Variants in TECRL observed in about 807,000 individuals in gnomAD.
TECRL encodes the protein trans-2,3-enoyl-CoA reductase-like.
Under a neutral mutation model 52.8 loss-of-function variants are expected in TECRL, and 63 were observed. That is an observed-to-expected ratio of 1.19 (90% CI 0.97 to 1.47). The LOEUF (loss-of-function observed/expected upper bound fraction) is 1.47. TECRL is among the 40% of genes most tolerant of loss of function. The probability of loss-of-function intolerance (pLI) is 0.00; values close to 1 mark genes in which losing one functional copy is unlikely to be tolerated. For synonymous variants in TECRL, 164 were observed against 141.9 expected (o/e 1.16, Z -1.10); for missense variants, 482 against 429.6 (o/e 1.12, Z -1.08).
chr4:64,310,715 A>T (rs1716927144), intron 5 of TECRL, among the ~76,000 whole-genome samples: 1 of 152,078 alleles, frequency 6.6e-6, no homozygotes, highest in African/African-American at 2.4e-5. Flanking sequence ...ATCAAAGATG[A>T]CCTACTTTTT....
At chr4:64,305,605 T>C (rs1193263342) in intron 6 of TECRL, among the ~76,000 whole-genome samples, 2 of 152,102 alleles carry the variant, frequency 1.3e-5, no homozygotes, top group Non-Finnish European at 2.9e-5. Flanking sequence ...CAAAAGGGAC[T>C]TTCCAGCCAC....
At chr4:64,295,310 T>A (rs1306516122) in intron 8 of TECRL, among the ~76,000 whole-genome samples, 1 of 151,172 alleles carries the variant, frequency 6.6e-6, no homozygotes, top group African/African-American at 2.4e-5. Flanking sequence ...TTTTAATATA[T>A]TTTATGAACT....
intron 1 of TECRL, among the ~76,000 whole-genome samples, chr4:64,379,799 A>G (rs1722654251): frequency 6.6e-6 from 1 of 152,116 alleles, no homozygotes; most frequent in African/African-American, 2.4e-5. Context: ...TTCTAGTTCC[A>G]TCTATGTTGC....
At chr4:64,322,185 C>G (rs1717946370) in intron 4 of TECRL, among the ~76,000 whole-genome samples, 1 of 152,056 alleles carries the variant, frequency 6.6e-6, no homozygotes, top group Non-Finnish European at 1.5e-5. Context: ...CACCAGATGC[C>G]TCCTTGTCCC....
At chr4:64,311,514 A>AT (rs1369677943) in intron 5 of TECRL, among the ~76,000 whole-genome samples, 11 of 152,244 alleles carry the variant, frequency 7.2e-5, no homozygotes, top group South Asian at 2.1e-4. Context: ...GAGTAATAAA[A>AT]TTTTTTTGTT....
intron 2 of TECRL, among the ~76,000 whole-genome samples, chr4:64,343,867 C>A (rs1719757116): frequency 6.6e-6 from 1 of 151,700 alleles, no homozygotes; most frequent in Non-Finnish European, 1.5e-5. Flanking sequence ...AAAGTATGAA[C>A]AAAATGTCAT....
chr4:64,310,876 G>A (rs1716945523), intron 5 of TECRL, among the ~76,000 whole-genome samples: 1 of 152,070 alleles, frequency 6.6e-6, no homozygotes, highest in Non-Finnish European at 1.5e-5. Flanking sequence ...ACACCGCCAT[G>A]CCCGGCTAAT....
intron 2 of TECRL, among the ~76,000 whole-genome samples, chr4:64,336,351 T>G (rs1443727737): frequency 6.6e-6 from 1 of 152,226 alleles, no homozygotes; most frequent in African/African-American, 2.4e-5. Context: ...GTGGGATTGG[T>G]GGTGATATCC....
intron 1 of TECRL, among the ~76,000 whole-genome samples, chr4:64,389,101 G>A (rs1243717081): frequency 6.6e-6 from 1 of 151,784 alleles, no homozygotes; most frequent in East Asian, 1.9e-4. Flanking sequence ...TTGCCTATCT[G>A]TAAACTCTTT....
At chr4:64,386,437 G>A (rs1397407140) in intron 1 of TECRL, among the ~76,000 whole-genome samples, 3 of 152,024 alleles carry the variant, frequency 2.0e-5, no homozygotes, top group Non-Finnish European at 4.4e-5. Context: ...TGGTAGAGGT[G>A]GAAGAAAATC....
At chr4:64,315,192 G>A (rs957818391) in intron 4 of TECRL, among the ~76,000 whole-genome samples, 6 of 151,488 alleles carry the variant, frequency 4.0e-5, no homozygotes, top group Admixed American at 3.9e-4. Context: ...TACCCTCCAT[G>A]GGCCTGTCAG....
chr4:64,296,236 G>A (rs1297540880), intron 8 of TECRL, among the ~76,000 whole-genome samples: 4 of 151,662 alleles, frequency 2.6e-5, no homozygotes. Context: ...TTATATAGTA[G>A]GGACTTGCTC....
At chr4:64,346,309 C>T (rs1322955557) in intron 2 of TECRL, among the ~76,000 whole-genome samples, 3 of 152,176 alleles carry the variant, frequency 2.0e-5, no homozygotes, top group African/African-American at 7.2e-5. Flanking sequence ...AGGCAGTGCC[C>T]CAGTGAGTAC....
chr4:64,286,079 C>T (rs1723066655), intron 9 of TECRL, among the ~76,000 whole-genome samples: 1 of 152,148 alleles, frequency 6.6e-6, no homozygotes, highest in African/African-American at 2.4e-5. Flanking sequence ...TTACATGATG[C>T]TTCTGTGTGA....
chr4:64,350,934 C>A (rs985890839), intron 2 of TECRL, among the ~76,000 whole-genome samples: 2 of 149,452 alleles, frequency 1.3e-5, no homozygotes, highest in East Asian at 2.0e-4. Flanking sequence ...AATAGTTAAC[C>A]TTTTAAGCTG....
At chr4:64,386,021 T>A (rs1723156898) in intron 1 of TECRL, among the ~76,000 whole-genome samples, 1 of 152,182 alleles carries the variant, frequency 6.6e-6, no homozygotes, top group South Asian at 2.1e-4. Context: ...TGATCATCTA[T>A]CTGCTTTGTG....
At chr4:64,319,424 T>C (rs1483312156) in intron 4 of TECRL, among the ~76,000 whole-genome samples, 2 of 151,842 alleles carry the variant, frequency 1.3e-5, no homozygotes, top group Non-Finnish European at 3.0e-5. Flanking sequence ...AGTAAAAGCA[T>C]AATCTTTAAA....
intron 8 of TECRL, among the ~76,000 whole-genome samples, chr4:64,295,613 C>T (rs535050586): frequency 1.3e-5 from 2 of 151,754 alleles, no homozygotes; most frequent in South Asian, 2.1e-4. Context: ...TTTACATACA[C>T]TAACTCTGAA....
chr4:64,289,759 T>C lies in TECRL; in HGVS notation c.783A>G (p.Glu261=). Residue 261 remains glutamate, a synonymous_variant, in exon 9 of 12, where the codon GAA becomes GAG. Transcript: ENST00000381210. Reference sequence around the variant, plus strand: ...TTACATTGATGAAATGATTCCCAGCTTCACAAATCTGCAAAACATTTTAAA... The same window carrying C: ...TTACATTGATGAAATGATTCCCAGCCTCACAAATCTGCAAAACATTTTAAA... The part of the protein sequence containing the change: ...TVSAINFLIC[E]AGNHFINVML... The C allele has an allele frequency of 6.5e-7, 1 of 1,548,076 alleles. No homozygotes were observed. Among genetic ancestry groups the C allele is most frequent in the Non-Finnish European group, 8.6e-7 (1 of 1,157,026 alleles).
Sources: gnomAD v4.1 joint callset for allele counts (sites outside exome capture counted in the v4.1 genomes callset) on GRCh38, gnomAD v4.1.1 for gene constraint, MANE v1.5 for transcripts, NCBI Gene and HGNC (gene_info 2026-07-23, HGNC 2026-07-21) for gene names.